LRBA: variants seen among roughly 807,000 people sequenced by gnomAD.
LRBA encodes the protein LPS responsive beige-like anchor protein.
In LRBA, 176 loss-of-function variants were observed where a neutral mutation model predicts 330.0. That is an observed-to-expected ratio of 0.53 (90% CI 0.47 to 0.60). The LOEUF is 0.60. Ranked by LOEUF, LRBA falls within the 20% of genes least tolerant of loss-of-function variation. The probability of loss-of-function intolerance (pLI) is 0.00; values close to 1 mark genes in which losing one functional copy is unlikely to be tolerated. For missense variants in LRBA, 3,259 were observed against 3,444.8 expected, an observed-to-expected ratio of 0.95 and a Z score of 1.35; for synonymous variants, 1,230 against 1,193.0, an observed-to-expected ratio of 1.03 and a Z score of -0.64.
intron 37 of LRBA, among the ~76,000 whole-genome samples, chr4:150,678,538 T>C (rs200301697): frequency 6.6e-6 from 1 of 152,190 alleles, no homozygotes; most frequent in Non-Finnish European, 1.5e-5. Context: ...CACTAAGTCA[T>C]GCAAAGACTT....
intron 2 of LRBA, among the ~76,000 whole-genome samples, chr4:150,970,197 C>G (rs1393096837): frequency 6.6e-6 from 1 of 151,966 alleles, no homozygotes; most frequent in African/African-American, 2.4e-5. Context: ...AATGGTATTA[C>G]ACACTTAACA....
intron 35 of LRBA, among the ~76,000 whole-genome samples, chr4:150,758,170 T>C (rs549155429): frequency 2.6e-5 from 4 of 152,332 alleles, no homozygotes; most frequent in Non-Finnish European, 5.9e-5. Flanking sequence ...AGAGGAACTC[T>C]GAGCTTAGGG....
rs1202055978 is a variant in LRBA, at chr4:150,497,799, C to G, written c.6331-6764G>C. Among the ~76,000 whole-genome samples the G allele has an allele frequency of 2.6e-5, 4 of 152,170 alleles. No homozygotes were observed. The East Asian group carries it at 5.8e-4, about 22-fold the overall frequency. On this transcript the variant is annotated intron_variant, in intron 40 of 56. Transcript: ENST00000651943. ...AGAGGGGAGCCTACAAACACACACA[C>G]TCTTATGTTTTCTCTTCCAATTACT...
rs1269987976 is a variant in LRBA, at chr4:150,604,676, C to G, written c.5922-5545G>C. 2.6e-5 allele frequency among the ~76,000 whole-genome samples: 4 copies of G among 152,126 alleles called. No homozygotes were observed. The East Asian group carries it at 7.7e-4, about 29-fold the overall frequency. On this transcript the variant is annotated intron_variant, in intron 37 of 56. Transcript: ENST00000651943. ...ACTACATGGCTATTAAGGTGCACAA[C>G]TCCAGGGGGCACTTTTCACATCAAA...
chr4:150,467,824 A>C, intron 43 of LRBA, 39 bp from the exon 44 acceptor site: 1 of 943,600 alleles, frequency 1.1e-6, no homozygotes, highest in Non-Finnish European at 1.7e-6. Flanking sequence ...TATAATTTTA[A>C]AAGTGAAATA....
chr4:150,510,610 T>C (rs1276197491), intron 40 of LRBA, among the ~76,000 whole-genome samples: 1 of 152,204 alleles, frequency 6.6e-6, no homozygotes, highest in East Asian at 1.9e-4. Context: ...TTTCCTTTTG[T>C]AGTACATTCC....
intron 5 of LRBA, among the ~76,000 whole-genome samples, chr4:150,918,476 C>T (rs572095914): frequency 6.6e-6 from 1 of 152,290 alleles, no homozygotes; most frequent in South Asian, 2.1e-4. Context: ...TGGCCGGGCA[C>T]GGTGGCTCAC....
chr4:150,273,295 A>G (rs1746366741), intron 56 of LRBA, among the ~76,000 whole-genome samples: 1 of 152,242 alleles, frequency 6.6e-6, no homozygotes, highest in Non-Finnish European at 1.5e-5. Context: ...CTGCCTTACA[A>G]GAGCTCCTGA....
chr4:150,807,041 T>C (rs189569816), intron 32 of LRBA, among the ~76,000 whole-genome samples: 205 of 150,530 alleles, frequency 1.4e-3, no homozygotes, highest in Admixed American at 4.5e-3. Context: ...AATATATTAA[T>C]ATATATTTGT....
intron 2 of LRBA, among the ~76,000 whole-genome samples, chr4:150,929,992 A>G (rs918647130): frequency 6.6e-5 from 10 of 152,270 alleles, no homozygotes; most frequent in African/African-American, 2.4e-4. Context: ...CCCAAAAGGT[A>G]TGCAATAATT....
intron 42 of LRBA, among the ~76,000 whole-genome samples, chr4:150,482,398 G>T (rs1757391148): frequency 6.6e-6 from 1 of 152,044 alleles, no homozygotes; most frequent in South Asian, 2.1e-4. Context: ...GTACTATATA[G>T]ATTCCATTGT....
chr4:150,463,036 A>T (rs1300187410), intron 44 of LRBA, among the ~76,000 whole-genome samples: 2 of 151,972 alleles, frequency 1.3e-5, no homozygotes, highest in Admixed American at 1.3e-4. Flanking sequence ...TACTAAGTAA[A>T]CAATCACCGC....
At chr4:150,486,069 T>C (rs2066143656) in intron 42 of LRBA, among the ~76,000 whole-genome samples, 1 of 151,760 alleles carries the variant, frequency 6.6e-6, no homozygotes, top group African/African-American at 2.4e-5. Flanking sequence ...GCTAAGAGAG[T>C]AGATCTTAAG....
intron 40 of LRBA, among the ~76,000 whole-genome samples, chr4:150,520,955 A>T (rs545722314): frequency 7.9e-5 from 12 of 152,164 alleles, no homozygotes; most frequent in Non-Finnish European, 2.9e-5. Flanking sequence ...AACAATAGAG[A>T]CCTAATTAGG....
intron 46 of LRBA, among the ~76,000 whole-genome samples, chr4:150,418,367 A>G (rs537444272): frequency 6.6e-6 from 1 of 152,292 alleles, no homozygotes; most frequent in South Asian, 2.1e-4. Context: ...TATAAATTCA[A>G]TTAGTTAAAC....
intron 34 of LRBA, among the ~76,000 whole-genome samples, chr4:150,793,086 A>G (rs1251446894): frequency 6.8e-6 from 1 of 147,360 alleles, no homozygotes; most frequent in African/African-American, 2.5e-5. Flanking sequence ...ATCTCAAACA[A>G]AAAAAAAAAA....
chr4:150,827,249 T>C (rs932715510), intron 30 of LRBA, among the ~76,000 whole-genome samples: 15 of 152,210 alleles, frequency 9.9e-5, no homozygotes, highest in African/African-American at 3.4e-4. Context: ...TTTTAACTTC[T>C]TTTATGACAT....
At chr4:150,784,472 T>C (rs1053491622) in intron 34 of LRBA, among the ~76,000 whole-genome samples, 3 of 152,162 alleles carry the variant, frequency 2.0e-5, no homozygotes, top group Non-Finnish European at 4.4e-5. Flanking sequence ...CATATCCCCA[T>C]GTGTGTAGAA....
Position 150,921,246 on chromosome 4 carries a change from C to A in LRBA, c.597G>T (p.Gln199His). 6.2e-7 allele frequency: 1 copy of A among 1,613,736 alleles called. No homozygotes were observed. Among genetic ancestry groups the A allele is most frequent in the South Asian group, 1.1e-5 (1 of 91,066 alleles). ...KLLSVLKHMP[Q>H]KYGPDAFFNF... ...TAAAAAAGGCATCAGGACCATACTT[C>A]TGAGGCATATGCTTTAACACAGACA... The change falls in exon 5 of 57, where the codon CAG (glutamine) becomes CAT (histidine). Residue 199 changes from glutamine to histidine, a missense_variant. Gln to His is a conservative substitution (Grantham distance 24). Transcript: ENST00000651943.
Sources: allele counts gnomAD v4.1 joint callset (sites outside exome capture counted in the v4.1 genomes callset), GRCh38; gene constraint gnomAD v4.1.1; transcripts MANE v1.5; gene names NCBI Gene and HGNC (gene_info 2026-07-23, HGNC 2026-07-21).